Variants in POFUT2 observed in about 807,000 individuals in gnomAD.
POFUT2 encodes protein O-fucosyltransferase 2.
Under a neutral mutation model 55.0 loss-of-function variants are expected in POFUT2, and 30 were observed. The observed-to-expected ratio is 0.55, with a 90% CI of 0.41 to 0.74. The LOEUF is 0.74. Ranked by LOEUF, POFUT2 falls within the 30% of genes least tolerant of loss-of-function variation. POFUT2 has a pLI of 0.00. For synonymous variants in POFUT2, 267 were observed against 231.1 expected, an observed-to-expected ratio of 1.16 and a Z score of -1.41; for missense variants, 524 against 562.6, an observed-to-expected ratio of 0.93 and a Z score of 0.69.
At chr21:45,278,775 G>A (rs915295787) in intron 4 of POFUT2, among the ~76,000 whole-genome samples, 3 of 152,230 alleles carry the variant, frequency 2.0e-5, no homozygotes, top group African/African-American at 4.8e-5. Flanking sequence ...CGTGAGGAAC[G>A]TCCTGGGGTT....
chr21:45,285,411 G>C lies in POFUT2; in HGVS notation c.382+267C>G, dbSNP rs1004361708. On this transcript the variant is annotated intron_variant, in intron 2 of 8. Coordinates refer to ENST00000349485, the MANE Select transcript of POFUT2 (RefSeq NM_133635.6). The surrounding 1 kb of genome is among the most constrained non-coding windows in gnomAD (Gnocchi z 4.9). The stretch of plus-strand genomic sequence containing the variant: ...GGGTGGCCGCTTTCTTAGGGTGTAA[G>C]GGCGGCTCTAACTGAGGGGGCACAA... 3 of 475,630 alleles carry C rather than the reference G, an allele frequency of 6.3e-6. No homozygotes were observed. The highest frequency in any genetic ancestry group is 1.2e-5 in the Non-Finnish European group (3 of 249,874). 29.5% of individuals were successfully genotyped at this position (475,630 alleles called of 1,614,324 possible).
In POFUT2 at chr21:45,284,037, C is replaced by A. The variant is rs1462922224; in HGVS notation, c.383-510G>T. ...GTCGTGCCTCTTACCCACGGCCCGA[C>A]CCGCACCAAGAAGGTGGCACTGTGA... On this transcript the variant is annotated intron_variant, in intron 2 of 8. Coordinates refer to ENST00000349485, the MANE Select transcript of POFUT2 (RefSeq NM_133635.6). This position sits in a 1 kb window ranked among gnomAD's most constrained non-coding sequence, Gnocchi z 5.8. 6.6e-6 allele frequency among the ~76,000 whole-genome samples: 1 copy of A among 152,194 alleles called. No homozygotes were observed. Among genetic ancestry groups the A allele is most frequent in the African/African-American group, 2.4e-5 (1 of 41,444 alleles).
Position 45,267,750 on chromosome 21 carries a change from C to T in POFUT2, c.1013-37G>A. On this transcript the variant is annotated intron_variant, in intron 7 of 8. Transcript: ENST00000349485. This position sits in a 1 kb window ranked among gnomAD's most constrained non-coding sequence, Gnocchi z 4.4. Reference sequence around the variant, plus strand: ...AAGGAGAGACCCTTTGAACCGGGATCCTCCAGTAAGGACAGATACGTGACT... The same window carrying T: ...AAGGAGAGACCCTTTGAACCGGGATTCTCCAGTAAGGACAGATACGTGACT... 2 of 1,588,152 alleles carry T rather than the reference C, an allele frequency of 1.3e-6. No homozygotes were observed. The highest frequency in any genetic ancestry group is 2.2e-5 in the South Asian group (2 of 90,140).
At chr21:45,283,323 G>GGC (rs2030967210) in intron 3 of POFUT2, 60 bp downstream of exon 3, 5 of 585,728 alleles carry the variant, frequency 8.5e-6, no homozygotes, top group South Asian at 2.1e-5. Flanking sequence ...GGGGGGGGAC[G>GGC]CATGCGGCAG....
rs556606393 is a variant in POFUT2 at position 45,265,383 on chromosome 21, G to A, written c.*99C>T. 6.1e-4 allele frequency: 700 copies of A among 1,142,798 alleles called. No homozygotes were observed. The highest frequency in any genetic ancestry group is 4.8e-3 in the Middle Eastern group (16 of 3,308). 70.8% of individuals were successfully genotyped at this position (1,142,798 alleles called of 1,614,324 possible). Reference sequence around the variant, plus strand: ...GACCCTGCGAGGGACGGTCCTGTCCGCCCAGCTCCCGGCTGGCAGTAGACG... The same window carrying A: ...GACCCTGCGAGGGACGGTCCTGTCCACCCAGCTCCCGGCTGGCAGTAGACG... On this transcript the variant is annotated 3_prime_UTR_variant, in exon 9 of 9. Coordinates refer to ENST00000349485, the MANE Select transcript of POFUT2 (RefSeq NM_133635.6). This position sits in a 1 kb window ranked among gnomAD's most constrained non-coding sequence, Gnocchi z 4.6.
rs763134400 is a variant in POFUT2, at chr21:45,265,202, G to A, written c.*280C>T. The A allele has an allele frequency of 3.0e-5, 10 of 328,912 alleles. No individual in the cohort carries two copies. The highest frequency in any genetic ancestry group is 1.4e-4 in the Admixed American group (3 of 21,664). 20.4% of individuals were successfully genotyped at this position (328,912 alleles called of 1,614,324 possible). ...AACACTCCTGCTTCTGGGTCACCAC[G>A]CGGGCACTGCTGGCAACCGAGCTGT... On this transcript the variant is annotated 3_prime_UTR_variant, in exon 9 of 9. Transcript: ENST00000349485. This position sits in a 1 kb window ranked among gnomAD's most constrained non-coding sequence, Gnocchi z 4.6.
chr21:45,277,414 G>T lies in POFUT2; in HGVS notation c.706-272C>A, dbSNP rs971582747. On this transcript the variant is annotated intron_variant, in intron 5 of 8. Coordinates refer to ENST00000349485, the MANE Select transcript of POFUT2 (RefSeq NM_133635.6). This position sits in a 1 kb window ranked among gnomAD's most constrained non-coding sequence, Gnocchi z 6.9. Reference sequence around the variant, plus strand: ...CTGCGGCACACACTGGGCTCAGCTGGCCGTTGCCCCTGGCTGGCACAACTG... The same window carrying T: ...CTGCGGCACACACTGGGCTCAGCTGTCCGTTGCCCCTGGCTGGCACAACTG... The T allele has an allele frequency of 2.0e-4, 91 of 460,168 alleles. No individual in the cohort carries two copies. The highest frequency in any genetic ancestry group is 1.7e-3 in the African/African-American group (88 of 50,674). 28.5% of individuals were successfully genotyped at this position (460,168 alleles called of 1,614,324 possible). A position where few individuals can be genotyped will look rare whatever the true frequency, so the allele number is the denominator to read the frequency against.
chr21:45,267,157 C>G lies in POFUT2; in HGVS notation c.1136+433G>C, dbSNP rs191187084. ...CTTGGGGACGCTCATGGCAGCCCCA[C>G]GAGAATGATCACACGAGGGCCCACG... is the stretch of plus-strand genomic sequence containing the variant. On this transcript the variant is annotated intron_variant, in intron 8 of 8. Coordinates refer to ENST00000349485, the MANE Select transcript of POFUT2 (RefSeq NM_133635.6). This position sits in a 1 kb window ranked among gnomAD's most constrained non-coding sequence, Gnocchi z 4.4. 5 of 1,270,082 alleles carry G rather than the reference C, an allele frequency of 3.9e-6. No individual in the cohort carries two copies. Among genetic ancestry groups the G allele is most frequent in the Admixed American group, 3.7e-5 (1 of 27,132 alleles). The allele number at this position is 1,270,082 out of a possible 1,614,324, so 78.7% of individuals were successfully genotyped here. A position where few individuals can be genotyped will look rare whatever the true frequency, so the allele number is the denominator to read the frequency against.
intron 8 of POFUT2, chr21:45,266,759 C>T (rs2093158514): frequency 1.0e-6 from 1 of 997,380 alleles, no homozygotes; most frequent in Admixed American, 5.4e-5. Flanking sequence ...GGCACCGGCT[C>T]AGGGCGCTCA....
intron 8 of POFUT2, chr21:45,266,629 T>A (rs1270661346): frequency 2.0e-6 from 2 of 1,009,912 alleles, no homozygotes; most frequent in African/African-American, 3.4e-5. Flanking sequence ...AAGTCAGCGC[T>A]GCATCCTGTC....
At chr21:45,274,351 G>A (rs2093244805) in intron 6 of POFUT2, among the ~76,000 whole-genome samples, 1 of 152,200 alleles carries the variant, frequency 6.6e-6, no homozygotes. Flanking sequence ...CATGCTCATG[G>A]ATGGGTAGAA....
chr21:45,277,301 T>C lies in POFUT2; in HGVS notation c.706-159A>G. On this transcript the variant is annotated intron_variant, in intron 5 of 8. Coordinates refer to ENST00000349485, the MANE Select transcript of POFUT2 (RefSeq NM_133635.6). This position sits in a 1 kb window ranked among gnomAD's most constrained non-coding sequence, Gnocchi z 6.9. Reference sequence around the variant, plus strand: ...GCCTGAGAAGCAGCGCCATCCACGGTGGAGGCTCTTGGAGGGTCTCCTGCA... The same window carrying C: ...GCCTGAGAAGCAGCGCCATCCACGGCGGAGGCTCTTGGAGGGTCTCCTGCA... 1.1e-6 allele frequency: 1 copy of C among 894,810 alleles called. No individual in the cohort carries two copies. Among genetic ancestry groups the C allele is most frequent in the East Asian group, 2.8e-5 (1 of 35,634 alleles). 55.4% of individuals were successfully genotyped at this position (894,810 alleles called of 1,614,324 possible).
chr21:45,276,498 C>T (rs2093265425), intron 6 of POFUT2, among the ~76,000 whole-genome samples: 1 of 152,180 alleles, frequency 6.6e-6, no homozygotes, highest in South Asian at 2.1e-4. Flanking sequence ...GAAAAAGCAA[C>T]ACATTTGTTG....
rs2031165708 is a variant in POFUT2, at chr21:45,284,543, G to C, written c.383-1016C>G. Among the ~76,000 whole-genome samples the C allele has an allele frequency of 6.6e-6, 1 of 152,206 alleles. No homozygotes were observed. On this transcript the variant is annotated intron_variant, in intron 2 of 8. Transcript: ENST00000349485. This position sits in a 1 kb window ranked among gnomAD's most constrained non-coding sequence, Gnocchi z 5.8. ...GCTGGTGGATGGCAGGTAAGCGTGA[G>C]ACCAGCATATGTGCCTCAGAAGCTC...
intron 2 of POFUT2, among the ~76,000 whole-genome samples, chr21:45,283,792 C>T (rs1329726909): frequency 6.6e-6 from 1 of 152,170 alleles, no homozygotes; most frequent in Non-Finnish European, 1.5e-5. Flanking sequence ...GCAGCAGGCC[C>T]CATCCTCACA....
chr21:45,282,499 T>TCTATCA lies in POFUT2; in HGVS notation c.528-41_528-40insTGATAG. 1 of 1,259,206 alleles carries TCTATCA rather than the reference T, an allele frequency of 7.9e-7. No individual in the cohort carries two copies. Among genetic ancestry groups the TCTATCA allele is most frequent in the South Asian group, 1.2e-5 (1 of 82,870 alleles). The allele number at this position is 1,259,206 out of a possible 1,614,324, so 78.0% of individuals were successfully genotyped here. On this transcript the variant is annotated intron_variant, in intron 3 of 8. Transcript: ENST00000349485. The surrounding 1 kb of genome is among the most constrained non-coding windows in gnomAD (Gnocchi z 4.6). Reference sequence around the variant, plus strand: ...CCACAGCAGCTCTATCAGTTTATTTTGCTTTCACAAGGAAAACAAATCAAG... The same window carrying TCTATCA: ...CCACAGCAGCTCTATCAGTTTATTTTCTATCAGCTTTCACAAGGAAAACAAATCAAG...
At chr21:45,283,204 G>A in intron 3 of POFUT2, 179 bp downstream of exon 3, 1 of 427,944 alleles carries the variant, frequency 2.3e-6, no homozygotes, top group Non-Finnish European at 4.3e-6. Flanking sequence ...TGCGGCCGGG[G>A]GGAGTGGGGG....
At chr21:45,287,677 A>AACCCAACACAG in intron 1 of POFUT2, 64 bp downstream of exon 1, 2 of 244,848 alleles carry the variant, frequency 8.2e-6, no homozygotes, top group Non-Finnish European at 1.2e-5. Context: ...CCCCGCCCCC[A>AACCCAACACAG]TCCCATCCTC....
In POFUT2 at chr21:45,267,751, C is replaced by G; in HGVS notation, c.1013-38G>C. On this transcript the variant is annotated intron_variant, in intron 7 of 8. Transcript: ENST00000349485. This position sits in a 1 kb window ranked among gnomAD's most constrained non-coding sequence, Gnocchi z 4.4. The stretch of plus-strand genomic sequence containing the variant: ...AGGAGAGACCCTTTGAACCGGGATC[C>G]TCCAGTAAGGACAGATACGTGACTC... 6.3e-7 allele frequency: 1 copy of G among 1,586,550 alleles called. No individual in the cohort carries two copies. Among genetic ancestry groups the G allele is most frequent in the Non-Finnish European group, 8.6e-7 (1 of 1,156,556 alleles).
Sources: gnomAD v4.1 joint callset for allele counts (sites outside exome capture counted in the v4.1 genomes callset) on GRCh38, gnomAD v4.1.1 for gene constraint, Gnocchi (gnomAD v3.1) non-coding constraint, MANE v1.5 for transcripts, NCBI Gene and HGNC (gene_info 2026-07-23, HGNC 2026-07-21) for gene names.